The following PPM1E variants were observed in gnomAD, a reference collection of about 807,000 sequenced individuals.
PPM1E encodes protein phosphatase 1E.
PPM1E carries 20 observed loss-of-function variants against 65.9 expected under a neutral mutation model. That is an observed-to-expected ratio of 0.30 (90% CI 0.21 to 0.44). The LOEUF (loss-of-function observed/expected upper bound fraction) is 0.44, where lower values mean the gene tolerates loss of function less well. Ranked by LOEUF, PPM1E falls within the 20% of genes least tolerant of loss-of-function variation. The pLI, the probability that PPM1E is intolerant of heterozygous loss-of-function variation, is 1.00. For synonymous variants in PPM1E, 352 were observed against 374.9 expected (o/e 0.94, Z 0.70); for missense variants, 713 against 953.1 (o/e 0.75, Z 3.32).
intron 1 of PPM1E, among the ~76,000 whole-genome samples, chr17:58,874,011 A>G (rs1164085419): frequency 6.6e-6 from 1 of 152,216 alleles, no homozygotes; most frequent in East Asian, 1.9e-4. Flanking sequence ...CAAGGAAGTC[A>G]GCCAACATCG....
At chr17:58,766,430 G>A (rs1050704931) in intron 1 of PPM1E, among the ~76,000 whole-genome samples, 2 of 149,236 alleles carry the variant, frequency 1.3e-5, no homozygotes, top group African/African-American at 2.5e-5. Flanking sequence ...TCGAACTCCC[G>A]ACCTCATGTT....
chr17:58,936,028 G>C (rs755013689), intron 1 of PPM1E, among the ~76,000 whole-genome samples: 1 of 150,556 alleles, frequency 6.6e-6, no homozygotes, highest in Non-Finnish European at 1.5e-5. Flanking sequence ...TGAGATTTCT[G>C]TTGTGAACCC....
intron 1 of PPM1E, among the ~76,000 whole-genome samples, chr17:58,811,082 TC>T (rs2143095244): frequency 6.6e-6 from 1 of 152,254 alleles, no homozygotes; most frequent in Admixed American, 6.5e-5. Flanking sequence ...GGTCTCGAAT[TC>T]CTGACCTCAA....
chr17:58,766,197 T>G lies in PPM1E; in HGVS notation c.464+9736T>G, dbSNP rs1359190382. On this transcript the variant is annotated intron_variant, in intron 1 of 6. Coordinates refer to ENST00000308249, the MANE Select transcript of PPM1E (RefSeq NM_014906.5). ...ACCTGGCTTATTTTTGTAATTTCTG[T>G]TTTTTTTTTTTTTTTTTTTTTTGAG... 1.7e-4 allele frequency among the ~76,000 whole-genome samples: 12 copies of G among 72,580 alleles called. No individual in the cohort carries two copies. The East Asian group carries it at 2.0e-3, about 12-fold the overall frequency. The allele number at this position is 72,580 out of a possible 152,430, so 47.6% of individuals were successfully genotyped here.
In PPM1E at chr17:58,965,922, G is replaced by A. The variant is rs374856463; in HGVS notation, c.783+29G>A. 5.6e-6 allele frequency: 9 copies of A among 1,601,702 alleles called. No individual in the cohort carries two copies. The African/African-American group carries it at 1.2e-4, about 21-fold the overall frequency. The stretch of plus-strand genomic sequence containing the variant: ...AAGGGCACTTTCGGAGAGTCAGTGA[G>A]ATTTTAAAGACAAAACAAACACCTT... On this transcript the variant is annotated intron_variant, in intron 3 of 6. Transcript: ENST00000308249.
chr17:58,940,897 G>A (rs1232470718), intron 1 of PPM1E, among the ~76,000 whole-genome samples: 5 of 152,150 alleles, frequency 3.3e-5, no homozygotes, highest in Admixed American at 1.3e-4. Flanking sequence ...TTTTAGTAGA[G>A]ACAGGGTTTT....
At chr17:58,769,646 T>C (rs1285858176) in intron 1 of PPM1E, among the ~76,000 whole-genome samples, 3 of 152,034 alleles carry the variant, frequency 2.0e-5, no homozygotes, top group East Asian at 3.9e-4. Flanking sequence ...AAAAGAGAAA[T>C]ATTTTTGTTT....
At chr17:58,789,043 A>G (rs1395885741) in intron 1 of PPM1E, among the ~76,000 whole-genome samples, 1 of 152,238 alleles carries the variant, frequency 6.6e-6, no homozygotes, top group African/African-American at 2.4e-5. Context: ...TCATAATGGC[A>G]TATCACAAAA....
chr17:58,930,025 T>C (rs771677889), intron 1 of PPM1E, among the ~76,000 whole-genome samples: 1 of 152,138 alleles, frequency 6.6e-6, no homozygotes, highest in Admixed American at 6.6e-5. Context: ...AATTTACTTG[T>C]TTTGTTTACG....
At chr17:58,970,464 A>G (rs1278690533) in intron 4 of PPM1E, among the ~76,000 whole-genome samples, 1 of 152,224 alleles carries the variant, frequency 6.6e-6, no homozygotes, top group East Asian at 1.9e-4. Context: ...AAATAATTAC[A>G]GAAGTAGATA....
chr17:58,780,797 A>G (rs1481359322), intron 1 of PPM1E, among the ~76,000 whole-genome samples: 2 of 152,078 alleles, frequency 1.3e-5, no homozygotes, highest in Non-Finnish European at 2.9e-5. Context: ...ATTATGTTTA[A>G]AGGGTCTAAC....
intron 1 of PPM1E, among the ~76,000 whole-genome samples, chr17:58,924,260 A>G (rs918383856): frequency 2.1e-4 from 32 of 148,918 alleles, no homozygotes; most frequent in Admixed American, 1.8e-3. Flanking sequence ...GGAAGGAAGG[A>G]AGGGAGGGAG....
intron 1 of PPM1E, among the ~76,000 whole-genome samples, chr17:58,918,383 G>A (rs2051710105): frequency 6.6e-6 from 1 of 152,146 alleles, no homozygotes; most frequent in African/African-American, 2.4e-5. Flanking sequence ...TAGAATTTGT[G>A]TCAAATAGAT....
At chr17:58,765,904 G>GGTGTCTC (rs1276835057) in intron 1 of PPM1E, among the ~76,000 whole-genome samples, 2 of 139,094 alleles carry the variant, frequency 1.4e-5, no homozygotes, top group Non-Finnish European at 3.1e-5. Context: ...TTTCCAAGAT[G>GGTGTCTC]GTGTCTCGTT....
chr17:58,925,552 T>G (rs1598653619), intron 1 of PPM1E, among the ~76,000 whole-genome samples: 1 of 152,180 alleles, frequency 6.6e-6, no homozygotes, highest in South Asian at 2.1e-4. Context: ...GCCATTCTCC[T>G]GCCTCAGCCT....
Position 58,782,702 on chromosome 17 carries a change from G to A in PPM1E, c.464+26241G>A, listed in dbSNP as rs149662905. ...GCTGGGATTACAGGCATGAACCACC[G>A]TACCTGGCCTTAACTCAGGTTTTAT... On this transcript the variant is annotated intron_variant, in intron 1 of 6. Coordinates refer to ENST00000308249, the MANE Select transcript of PPM1E (RefSeq NM_014906.5). Among the ~76,000 whole-genome samples, 145 of 151,684 alleles carry A rather than the reference G, an allele frequency of 9.6e-4. 3 individuals carry two copies. In the East Asian group the frequency reaches 0.014, roughly 15 times the overall value.
intron 1 of PPM1E, among the ~76,000 whole-genome samples, chr17:58,768,242 G>A (rs775781197): frequency 6.6e-6 from 1 of 152,026 alleles, no homozygotes; most frequent in Non-Finnish European, 1.5e-5. Flanking sequence ...ATGAGCCACT[G>A]TGCCCTGCTA....
chr17:58,822,326 T>TTATA (rs1316127284), intron 1 of PPM1E, among the ~76,000 whole-genome samples: 2 of 141,944 alleles, frequency 1.4e-5, no homozygotes, highest in African/African-American at 5.2e-5. Flanking sequence ...CTGAATTTAT[T>TTATA]TTTATTTATT....
chr17:58,774,570 T>C (rs2144186264), intron 1 of PPM1E, among the ~76,000 whole-genome samples: 1 of 152,270 alleles, frequency 6.6e-6, no homozygotes, highest in South Asian at 2.1e-4. Flanking sequence ...AAAGATTGCC[T>C]TTTAGGGCAT....
Sources: allele counts gnomAD v4.1 joint callset (sites outside exome capture counted in the v4.1 genomes callset), GRCh38; gene constraint gnomAD v4.1.1; transcripts MANE v1.5; gene names NCBI Gene and HGNC (gene_info 2026-07-23, HGNC 2026-07-21).